Variants in EFCAB14 observed in about 807,000 individuals in gnomAD.
EFCAB14 encodes EF-hand calcium binding domain 14, also known as EF-hand calcium-binding domain-containing protein 14.
EFCAB14 carries 43 observed loss-of-function variants against 56.5 expected under a neutral mutation model. The observed-to-expected ratio is 0.76, with a 90% CI of 0.60 to 0.98. EFCAB14 has a LOEUF of 0.98. EFCAB14 is among the 50% of genes least tolerant of loss of function. The pLI is 0.00. For missense variants in EFCAB14, 538 were observed against 580.3 expected (o/e 0.93, Z 0.75); for synonymous variants, 235 against 212.9 (o/e 1.10, Z -0.90).
chr1:46,697,719 G>T (rs1011925160), intron 3 of EFCAB14, among the ~76,000 whole-genome samples: 3 of 152,178 alleles, frequency 2.0e-5, no homozygotes, highest in African/African-American at 7.2e-5. Context: ...TGTGGAGACA[G>T]CAGAGAGGCA....
At chr1:46,682,784 T>C (rs564941033) in intron 10 of EFCAB14, among the ~76,000 whole-genome samples, 108 of 152,312 alleles carry the variant, frequency 7.1e-4, no homozygotes, top group Non-Finnish European at 1.1e-3. Context: ...AGCACTTCAG[T>C]AGGCTGAGGC....
At chr1:46,685,021 C>T (rs973317545) in intron 8 of EFCAB14, 1 of 156,928 alleles carries the variant, frequency 6.4e-6, no homozygotes, top group Non-Finnish European at 1.4e-5. Flanking sequence ...GACTAGACCA[C>T]TTTAGGCAGA....
At chr1:46,699,499 C>T (rs1359039157) in intron 3 of EFCAB14, among the ~76,000 whole-genome samples, 1 of 152,172 alleles carries the variant, frequency 6.6e-6, no homozygotes, top group Non-Finnish European at 1.5e-5. Flanking sequence ...GATACAAAGA[C>T]TGGCATTTGT....
chr1:46,699,866 C>T (rs1224341376), intron 3 of EFCAB14, among the ~76,000 whole-genome samples: 1 of 152,150 alleles, frequency 6.6e-6, no homozygotes, highest in Non-Finnish European at 1.5e-5. Flanking sequence ...AATTAGGTCA[C>T]AAAAGGTCCT....
rs1031469559 is a variant in EFCAB14, at chr1:46,686,833, A to G, written c.1025T>C (p.Leu342Ser). Residue 342 changes from leucine (L) to serine (S), a missense_variant, in exon 8 of 11, where the codon TTG becomes TCG. By Grantham distance (145) the Leu-to-Ser change is moderately radical. Coordinates refer to ENST00000371933, the MANE Select transcript of EFCAB14 (RefSeq NM_014774.3). ...ATCTGTTCTGTTGGTGACTTGATCC[A>G]AAGACTGTCTTTTCAGAGTGGCAGA... ...DRSATLKRQSLDQVTNRTDTV... is the reference protein window; with the variant it reads ...DRSATLKRQSSDQVTNRTDTV... The G allele has an allele frequency of 3.7e-6, 6 of 1,613,720 alleles. No homozygotes were observed. The highest frequency in any genetic ancestry group is 5.1e-6 in the Non-Finnish European group (6 of 1,179,858).
In EFCAB14 at chr1:46,699,946, C is replaced by T. The variant is rs528755340; in HGVS notation, c.481-3297G>A. The stretch of plus-strand genomic sequence containing the variant: ...GGAGCTGCCATGCTGTGAGGACACT[C>T]GAGTAGCCCCAGAATGACAAGTCCA... On this transcript the variant is annotated intron_variant, in intron 3 of 10. Transcript: ENST00000371933. 2.0e-5 allele frequency among the ~76,000 whole-genome samples: 3 copies of T among 152,274 alleles called. No homozygotes were observed. The South Asian group carries it at 6.2e-4, about 32-fold the overall frequency.
rs1255269480 is a variant in EFCAB14 at position 46,686,735 on chromosome 1, G to C, written c.1074+49C>G. ...AGTAGCAGTAGATCAAAAGCACAGA[G>C]ATGCTGCTGCATTTACTTTTACTTC... is the stretch of plus-strand genomic sequence containing the variant. On this transcript the variant is annotated intron_variant, in intron 8 of 10. Transcript: ENST00000371933. The C allele has an allele frequency of 1.9e-6, 3 of 1,565,772 alleles. No homozygotes were observed. The South Asian group carries it at 3.4e-5, about 18-fold the overall frequency.
At position 46,678,628 on chromosome 1, in the gene EFCAB14, C is replaced by T. The variant is rs775513110; in HGVS notation, c.1321G>A (p.Asp441Asn). The change falls in exon 11 of 11, where the codon GAT (aspartate) becomes AAT (asparagine). Residue 441 changes from aspartate (D) to asparagine (N), a missense_variant. By Grantham distance (23) the Asp-to-Asn change is conservative. Transcript: ENST00000371933. Reference sequence around the variant, plus strand: ...TCCTGGCCAGTCTTGCGGAATAAATCCTGAAGATCTGTCAAAAATGAATTA... The same window carrying T: ...TCCTGGCCAGTCTTGCGGAATAAATTCTGAAGATCTGTCAAAAATGAATTA... Reference protein sequence around the residue: ...PGVSSTEDLQDLFRKTGQDVD... With the variant: ...PGVSSTEDLQNLFRKTGQDVD... 1 of 1,609,124 alleles carries T rather than the reference C, an allele frequency of 6.2e-7. No individual in the cohort carries two copies. The highest frequency in any genetic ancestry group is 1.3e-5 in the African/African-American group (1 of 74,794).
intron 2 of EFCAB14, among the ~76,000 whole-genome samples, chr1:46,714,711 A>C (rs1471064758): frequency 6.6e-6 from 1 of 151,936 alleles, no homozygotes; most frequent in Non-Finnish European, 1.5e-5. Flanking sequence ...CTGACACGGG[A>C]AGACTGCTTG....
chr1:46,678,724 A>G (rs773077057), intron 10 of EFCAB14, 88 bp from the exon 11 acceptor site: 21 of 1,316,838 alleles, frequency 1.6e-5, no homozygotes, highest in Non-Finnish European at 2.1e-5. Flanking sequence ...TTAAAACACT[A>G]AAAGAAAAGC....
chr1:46,699,484 C>A (rs1252171117), intron 3 of EFCAB14, among the ~76,000 whole-genome samples: 1 of 152,158 alleles, frequency 6.6e-6, no homozygotes, highest in Non-Finnish European at 1.5e-5. Flanking sequence ...TTCCACAATA[C>A]CCGTGATACA....
intron 7 of EFCAB14, among the ~76,000 whole-genome samples, chr1:46,687,697 C>T (rs1243208235): frequency 4.6e-5 from 7 of 152,170 alleles, no homozygotes; most frequent in Non-Finnish European, 7.3e-5. Flanking sequence ...GATCCCTGCA[C>T]AAAGTTTATG....
At chr1:46,714,500 A>C (rs909068312) in intron 2 of EFCAB14, among the ~76,000 whole-genome samples, 1 of 152,112 alleles carries the variant, frequency 6.6e-6, no homozygotes, top group Non-Finnish European at 1.5e-5. Context: ...CTTTTGGAAA[A>C]AGTAATTTGG....
chr1:46,701,890 T>C (rs1677164021), intron 3 of EFCAB14, among the ~76,000 whole-genome samples: 1 of 152,214 alleles, frequency 6.6e-6, no homozygotes, highest in African/African-American at 2.4e-5. Flanking sequence ...TCTTCTAGCA[T>C]TTCTCTCTTC....
chr1:46,717,455 T>A (rs552917140), intron 1 of EFCAB14, among the ~76,000 whole-genome samples: 1 of 152,326 alleles, frequency 6.6e-6, no homozygotes, highest in South Asian at 2.1e-4. Context: ...AGGCTCATAC[T>A]TCCTACAGTA....
chr1:46,715,176 C>T (rs890045923), intron 2 of EFCAB14, among the ~76,000 whole-genome samples: 2 of 152,138 alleles, frequency 1.3e-5, no homozygotes, highest in African/African-American at 4.8e-5. Context: ...CCAGTTCTTC[C>T]TGTTTCTTCT....
chr1:46,688,442 T>C lies in EFCAB14; in HGVS notation c.898A>G (p.Ser300Gly), dbSNP rs771618154. ...AGGTTGACTCTCTGGGTAAGATTACTGACTGTCTCGTTCATTCCCTCGAGT... is the reference window on the plus strand; with the variant it reads ...AGGTTGACTCTCTGGGTAAGATTACCGACTGTCTCGTTCATTCCCTCGAGT... Reference protein sequence around the residue: ...LKLEGMNETVSNLTQRVNLIE... With the variant: ...LKLEGMNETVGNLTQRVNLIE... The change falls in exon 7 of 11, where the codon AGT (serine) becomes GGT (glycine). Residue 300 changes from serine to glycine, a missense_variant. Ser to Gly is a moderately conservative substitution (Grantham distance 56). Transcript: ENST00000371933. 6.2e-7 allele frequency: 1 copy of C among 1,614,064 alleles called. No individual in the cohort carries two copies. Among genetic ancestry groups the C allele is most frequent in the South Asian group, 1.1e-5 (1 of 91,078 alleles).
chr1:46,704,630 T>C (rs59479990), intron 3 of EFCAB14, among the ~76,000 whole-genome samples: 16,007 of 152,168 alleles, frequency 0.11, 2,192 homozygotes, highest in East Asian at 0.39. Context: ...CCAGCCCCTG[T>C]TGTTTTTAAG....
rs571933018 is a variant in EFCAB14, at chr1:46,677,645, A to G, written c.*816T>C. 6.6e-6 allele frequency: 1 copy of G among 152,266 alleles called. No individual in the cohort carries two copies. The highest frequency in any genetic ancestry group is 2.1e-4 in the South Asian group (1 of 4,818). 9.4% of individuals were successfully genotyped at this position (152,266 alleles called of 1,614,324 possible). A position where few individuals can be genotyped will look rare whatever the true frequency, so the allele number is the denominator to read the frequency against. On this transcript the variant is annotated 3_prime_UTR_variant, in exon 11 of 11. Transcript: ENST00000371933. ...CAGGGAAAATGGAGCTCCCCAATGG[A>G]TAACTTTTTATGCTCATAAACCCTG...
Sources: gnomAD v4.1 joint callset for allele counts (sites outside exome capture counted in the v4.1 genomes callset) on GRCh38, gnomAD v4.1.1 for gene constraint, MANE v1.5 for transcripts, NCBI Gene and HGNC (gene_info 2026-07-23, HGNC 2026-07-21) for gene names.